Variants in STYXL2 observed in about 807,000 individuals in gnomAD.
STYXL2 encodes the protein serine/threonine/tyrosine interacting like 2, also known as serine/threonine/tyrosine-interacting-like protein 2.
Under a neutral mutation model 52.4 loss-of-function variants are expected in STYXL2, and 44 were observed. The observed-to-expected ratio is 0.84, with a 90% CI of 0.66 to 1.08. STYXL2 has a LOEUF of 1.08. Among genes scored for constraint, STYXL2 ranks in the 50% least tolerant of loss-of-function variants. The pLI is 0.00. For missense variants in STYXL2, 1,604 were observed against 1,471.7 expected (o/e 1.09, Z -1.47); for synonymous variants, 604 against 586.9 (o/e 1.03, Z -0.42).
At position 167,126,786 on chromosome 1, in the gene STYXL2, T is replaced by G; in HGVS notation, c.1655T>G (p.Ile552Ser). The change falls in exon 6 of 6, where the codon ATC becomes AGC. Residue 552 changes from isoleucine (I) to serine (S), a missense_variant. By Grantham distance (142) the Ile-to-Ser change is moderately radical. Transcript: ENST00000361200. ...CTGGAAAGATGGAAGATCAAGAGAATCCAATTTGGATTTCACAAGAAAGAC... is the reference window on the plus strand; with the variant it reads ...CTGGAAAGATGGAAGATCAAGAGAAGCCAATTTGGATTTCACAAGAAAGAC... ...TALERWKIKR[I>S]QFGFHKKDLG... The G allele has an allele frequency of 6.2e-7, 1 of 1,613,978 alleles. No individual in the cohort carries two copies. The highest frequency in any genetic ancestry group is 1.3e-5 in the African/African-American group (1 of 74,964).
intron 4 of STYXL2, among the ~76,000 whole-genome samples, 176 bp from the exon 5 acceptor site, chr1:167,119,073 A>G (rs951426255): frequency 1.3e-5 from 2 of 152,156 alleles, no homozygotes; most frequent in African/African-American, 4.8e-5. Context: ...TGCTGAGGCC[A>G]AGTCATCAAC....
At chr1:167,112,150 G>A (rs1329956172) in intron 2 of STYXL2, among the ~76,000 whole-genome samples, 1 of 152,172 alleles carries the variant, frequency 6.6e-6, no homozygotes, top group Non-Finnish European at 1.5e-5. Context: ...TTTGGTCACA[G>A]GAGTACTTGG....
chr1:167,123,656 C>G (rs1407045714), intron 5 of STYXL2, among the ~76,000 whole-genome samples: 11 of 152,202 alleles, frequency 7.2e-5, no homozygotes, highest in Non-Finnish European at 1.0e-4. Context: ...CAGAATCTCA[C>G]TCTGTTGCCC....
chr1:167,126,962 C>A lies in STYXL2; in HGVS notation c.1831C>A (p.Leu611Ile). The change falls in exon 6 of 6, where the codon CTC becomes ATC. Residue 611 changes from leucine to isoleucine, a missense_variant. Transcript: ENST00000361200. Reference sequence around the variant, plus strand: ...TGAGAACAAGGAGGAGGTGGTGGAGCTCAGCAAGGGGGAGGACTCGGCCTT... The same window carrying A: ...TGAGAACAAGGAGGAGGTGGTGGAGATCAGCAAGGGGGAGGACTCGGCCTT... ...GSENKEEVVE[L>I]SKGEDSALAK... 2 of 1,610,642 alleles carry A rather than the reference C, an allele frequency of 1.2e-6. No individual in the cohort carries two copies. Among genetic ancestry groups the A allele is most frequent in the Non-Finnish European group, 8.5e-7 (1 of 1,178,412 alleles).
chr1:167,129,121 T>C lies in STYXL2; in HGVS notation c.*513T>C, dbSNP rs2102254257. Reference sequence around the variant, plus strand: ...TTGAGTCTCCATTAAAAATGGTATGTTGGCAAATAGTTCTTCTTTATTCTG... The same window carrying C: ...TTGAGTCTCCATTAAAAATGGTATGCTGGCAAATAGTTCTTCTTTATTCTG... On this transcript the variant is annotated 3_prime_UTR_variant, in exon 6 of 6. Coordinates refer to ENST00000361200, the MANE Select transcript of STYXL2 (RefSeq NM_001080426.3). The C allele has an allele frequency of 6.5e-6, 1 of 153,824 alleles. No homozygotes were observed. Among genetic ancestry groups the C allele is most frequent in the Non-Finnish European group, 1.4e-5 (1 of 69,148 alleles). 9.5% of individuals were successfully genotyped at this position (153,824 alleles called of 1,614,324 possible).
At chr1:167,103,018 GC>G (rs1030773374) in intron 2 of STYXL2, among the ~76,000 whole-genome samples, 2 of 134,480 alleles carry the variant, frequency 1.5e-5, no homozygotes, top group African/African-American at 5.3e-5. Context: ...TGGTGACAGA[GC>G]CACACAGCCT....
rs1322173361 is a variant in STYXL2, at chr1:167,094,129, C to CT, written c.-80dup. ...CTGGTTCCTGTCTCACTGGCCGGAG[C>CT]TTCAGCTTCAGTCATTTCATCTGGG... On this transcript the variant is annotated 5_prime_UTR_variant, in exon 1 of 6. Coordinates refer to ENST00000361200, the MANE Select transcript of STYXL2 (RefSeq NM_001080426.3). 1 of 152,706 alleles carries CT rather than the reference C, an allele frequency of 6.5e-6. No homozygotes were observed. The highest frequency in any genetic ancestry group is 1.5e-5 in the Non-Finnish European group (1 of 68,404). 9.5% of individuals were successfully genotyped at this position (152,706 alleles called of 1,614,324 possible).
rs61748781 is a variant in STYXL2 at position 167,127,833 on chromosome 1, G to A, written c.2702G>A (p.Arg901His). The change falls in exon 6 of 6, where the codon CGC becomes CAC. Residue 901 changes from arginine to histidine, a missense_variant. Physicochemically the swap from Arg to His is conservative, Grantham distance 29. Coordinates refer to ENST00000361200, the MANE Select transcript of STYXL2 (RefSeq NM_001080426.3). ...SAIGSFRYSS[R>H]SNSQKPETDT... ...ATAGGGAGCTTCCGATATTCTTCCC[G>A]CAGTAATTCCCAGAAACCTGAAACA... 0.02 allele frequency: 31,531 copies of A among 1,613,716 alleles called. 380 individuals carry two copies. The highest frequency in any genetic ancestry group is 0.024 in the Non-Finnish European group (27,789 of 1,180,022).
chr1:167,098,052 G>A (rs1156979733), intron 2 of STYXL2, among the ~76,000 whole-genome samples: 1 of 130,366 alleles, frequency 7.7e-6, no homozygotes, highest in African/African-American at 3.0e-5. Flanking sequence ...TCGCTCAGTC[G>A]CCAGGCTGGA....
chr1:167,102,191 G>A lies in STYXL2; in HGVS notation c.110+7232G>A, dbSNP rs556821811. Among the ~76,000 whole-genome samples, 6 of 152,216 alleles carry A rather than the reference G, an allele frequency of 3.9e-5. No homozygotes were observed. In the East Asian group the frequency reaches 7.7e-4, roughly 20 times the overall value. ...AGGGAGGGCTTAAAAAGGGGCACACGGGATGATGTGACCTTGGTTGCAGTG... is the reference window on the plus strand; with the variant it reads ...AGGGAGGGCTTAAAAAGGGGCACACAGGATGATGTGACCTTGGTTGCAGTG... On this transcript the variant is annotated intron_variant, in intron 2 of 5. Transcript: ENST00000361200.
Position 167,127,273 on chromosome 1 carries a change from T to C in STYXL2, c.2142T>C (p.Pro714=). Reference sequence around the variant, plus strand: ...CCCTGCCTAACCTGCCAGTGGGGCCTGGAGACACCATTTCCATTGCCAGTA... The same window carrying C: ...CCCTGCCTAACCTGCCAGTGGGGCCCGGAGACACCATTTCCATTGCCAGTA... The part of the protein sequence containing the change: ...TTPLPNLPVG[P]GDTISIASIQ... The change falls in exon 6 of 6, where the codon CCT becomes CCC. Residue 714 remains proline, a synonymous_variant. Coordinates refer to ENST00000361200, the MANE Select transcript of STYXL2 (RefSeq NM_001080426.3). 6.2e-7 allele frequency: 1 copy of C among 1,614,204 alleles called. No individual in the cohort carries two copies.
In STYXL2 at chr1:167,126,436, C is replaced by A; in HGVS notation, c.1305C>A (p.Ser435Arg). ...SSVGRRRRTL[S>R]ESSAWESVSS... is the part of the protein sequence containing the mutation. ...TGGGGAGGCGGCGGCGCACCCTGAG[C>A]GAGAGCAGCGCCTGGGAGAGCGTGA... Residue 435 changes from serine (S) to arginine (R), a missense_variant, in exon 6 of 6, where the codon AGC (serine) becomes AGA (arginine). Physicochemically the swap from Ser to Arg is moderately radical, Grantham distance 110. Transcript: ENST00000361200. 1 of 1,571,676 alleles carries A rather than the reference C, an allele frequency of 6.4e-7. No homozygotes were observed. Among genetic ancestry groups the A allele is most frequent in the South Asian group, 1.2e-5 (1 of 85,914 alleles).
chr1:167,114,186 A>C (rs556534399), intron 3 of STYXL2, among the ~76,000 whole-genome samples: 1 of 152,100 alleles, frequency 6.6e-6, no homozygotes, highest in South Asian at 2.1e-4. Flanking sequence ...CTGCACTTCC[A>C]CCAGTGCTTA....
chr1:167,105,204 T>C (rs1667485534), intron 2 of STYXL2, among the ~76,000 whole-genome samples: 1 of 143,886 alleles, frequency 6.9e-6, no homozygotes, highest in Non-Finnish European at 1.5e-5. Context: ...CTGTCCCAGA[T>C]GCTGAACACA....
intron 2 of STYXL2, among the ~76,000 whole-genome samples, chr1:167,095,438 C>A (rs1170161161): frequency 6.6e-6 from 1 of 152,072 alleles, no homozygotes; most frequent in African/African-American, 2.4e-5. Flanking sequence ...CAAGCTGTGT[C>A]TTTTAAACTG....
Position 167,127,258 on chromosome 1 carries a change from C to T in STYXL2, c.2127C>T (p.Asn709=), listed in dbSNP as rs1667995654. ...CCAACCCCACCACACCCCTGCCTAA[C>T]CTGCCAGTGGGGCCTGGAGACACCA... ...STSNPTTPLP[N]LPVGPGDTIS... Residue 709 remains asparagine (N), a synonymous_variant, in exon 6 of 6, where the codon AAC becomes AAT. Transcript: ENST00000361200. The T allele has an allele frequency of 1.2e-6, 2 of 1,614,118 alleles. No homozygotes were observed. The highest frequency in any genetic ancestry group is 2.7e-5 in the African/African-American group (2 of 74,934).
In STYXL2 at chr1:167,128,830, C is replaced by A; in HGVS notation, c.*222C>A. On this transcript the variant is annotated 3_prime_UTR_variant, in exon 6 of 6. Coordinates refer to ENST00000361200, the MANE Select transcript of STYXL2 (RefSeq NM_001080426.3). ...ACGAATACGAGGTCCGAATGCGGAC[C>A]AACTGATACCATTTTCTGTTGCTCA... 1 of 615,126 alleles carries A rather than the reference C, an allele frequency of 1.6e-6. No individual in the cohort carries two copies. Among genetic ancestry groups the A allele is most frequent in the Non-Finnish European group, 2.7e-6 (1 of 374,774 alleles). The allele number at this position is 615,126 out of a possible 1,614,324, so 38.1% of individuals were successfully genotyped here.
chr1:167,127,802 A>T lies in STYXL2; in HGVS notation c.2671A>T (p.Ser891Cys), dbSNP rs772178354. The change falls in exon 6 of 6, where the codon AGT becomes TGT. Residue 891 changes from serine to cysteine, a missense_variant. Transcript: ENST00000361200. ...GVGDGDEDTD[S>C]AIGSFRYSSR... ...GGGTGATGGGGATGAGGACACTGACAGTGCCATAGGGAGCTTCCGATATTC... is the reference window on the plus strand; with the variant it reads ...GGGTGATGGGGATGAGGACACTGACTGTGCCATAGGGAGCTTCCGATATTC... 10 of 1,613,948 alleles carry T rather than the reference A, an allele frequency of 6.2e-6. No individual in the cohort carries two copies. The East Asian group carries it at 2.2e-4, about 36-fold the overall frequency.
intron 3 of STYXL2, among the ~76,000 whole-genome samples, chr1:167,115,798 G>A (rs1054114114): frequency 2.6e-5 from 4 of 152,126 alleles, no homozygotes; most frequent in Admixed American, 6.5e-5. Context: ...CGTTTGAAAC[G>A]GAGATCAGAG....
Sources: allele counts gnomAD v4.1 joint callset (sites outside exome capture counted in the v4.1 genomes callset), GRCh38; gene constraint gnomAD v4.1.1; transcripts MANE v1.5; gene names NCBI Gene and HGNC (gene_info 2026-07-23, HGNC 2026-07-21).